The following FBXO31 variants were observed in gnomAD, a reference collection of about 807,000 sequenced individuals.
FBXO31 encodes the protein F-box only protein 31.
A neutral mutation model predicts 54.4 loss-of-function variants in FBXO31; 24 were observed. The observed-to-expected ratio is 0.44, with a 90% CI of 0.32 to 0.62. The LOEUF is 0.62. Ranked by LOEUF, FBXO31 falls within the 20% of genes least tolerant of loss-of-function variation. FBXO31 has a pLI of 0.05. For synonymous variants in FBXO31, 388 were observed against 335.6 expected, an observed-to-expected ratio of 1.16 and a Z score of -1.71; for missense variants, 665 against 787.1, an observed-to-expected ratio of 0.84 and a Z score of 1.86.
At chr16:87,378,510 G>A (rs1173221810) in intron 1 of FBXO31, among the ~76,000 whole-genome samples, 13 of 152,232 alleles carry the variant, frequency 8.5e-5, no homozygotes, top group Admixed American at 8.5e-4. Flanking sequence ...CATCCGGGCA[G>A]TTAAGTTTCT....
upstream of FBXO31, among the ~76,000 whole-genome samples, chr16:87,387,377 C>G (rs1351015557): frequency 6.6e-6 from 1 of 152,208 alleles, no homozygotes; most frequent in Admixed American, 6.5e-5. Context: ...TGTTTTAACA[C>G]TATGATGAGG....
chr16:87,363,973 G>A (rs1906246691), intron 1 of FBXO31, among the ~76,000 whole-genome samples: 2 of 152,224 alleles, frequency 1.3e-5, no homozygotes, highest in African/African-American at 2.4e-5. Flanking sequence ...CAAATGGGAG[G>A]GGGAAGGGGA....
intron 1 of FBXO31, among the ~76,000 whole-genome samples, chr16:87,361,460 T>C (rs1171227364): frequency 6.6e-6 from 1 of 152,182 alleles, no homozygotes; most frequent in East Asian, 1.9e-4. Flanking sequence ...GACTGTGTTA[T>C]GCCCTGTGCA....
intron 1 of FBXO31, among the ~76,000 whole-genome samples, chr16:87,371,353 C>G (rs1176847627): frequency 6.6e-6 from 1 of 152,220 alleles, no homozygotes; most frequent in Non-Finnish European, 1.5e-5. Context: ...CAAGGGAGTC[C>G]CCTCTCGCTA....
chr16:87,373,818 C>T (rs748999086), intron 1 of FBXO31, among the ~76,000 whole-genome samples: 1 of 152,194 alleles, frequency 6.6e-6, no homozygotes, highest in Non-Finnish European at 1.5e-5. Context: ...CAAAAGAGAA[C>T]AGAAATAGCA....
intron 1 of FBXO31, among the ~76,000 whole-genome samples, chr16:87,363,989 G>A (rs529236539): frequency 1.3e-5 from 2 of 152,228 alleles, no homozygotes; most frequent in African/African-American, 2.4e-5. Flanking sequence ...GGGGAAAGAC[G>A]CTGATGCAGA....
chr16:87,342,465 C>A (rs918652400), intron 5 of FBXO31, among the ~76,000 whole-genome samples: 1 of 152,214 alleles, frequency 6.6e-6, no homozygotes, highest in Non-Finnish European at 1.5e-5. Flanking sequence ...CCCCGCTGCA[C>A]TGGCACGATC....
rs1180634318 is a variant in FBXO31, at chr16:87,345,091, G to C, written c.490-1326C>G. 2.0e-5 allele frequency among the ~76,000 whole-genome samples: 3 copies of C among 152,198 alleles called. No individual in the cohort carries two copies. Among genetic ancestry groups the C allele is most frequent in the African/African-American group, 7.2e-5 (3 of 41,450 alleles). On this transcript the variant is annotated intron_variant, in intron 3 of 8. Transcript: ENST00000311635. The surrounding 1 kb of genome is among the most constrained non-coding windows in gnomAD (Gnocchi z 4.9). ...CCCAGGGGCCATGCATGCCAGGCCT[G>C]GAAGAACCTGTGCAGAGGCCACGGG...
At chr16:87,375,536 C>T (rs1906786147) in intron 1 of FBXO31, among the ~76,000 whole-genome samples, 1 of 152,130 alleles carries the variant, frequency 6.6e-6, no homozygotes, top group Non-Finnish European at 1.5e-5. Context: ...CCAAAATGGG[C>T]TGGCATTTCA....
At position 87,336,293 on chromosome 16, in the gene FBXO31, C is replaced by A. The variant is rs1276065462; in HGVS notation, c.733-29G>T. On this transcript the variant is annotated intron_variant, in intron 5 of 8. Coordinates refer to ENST00000311635, the MANE Select transcript of FBXO31 (RefSeq NM_024735.5). This position sits in a 1 kb window ranked among gnomAD's most constrained non-coding sequence, Gnocchi z 6.5. ...CCAAAAGAACACAGGTCATGAATATCCATATGACAGGAGGCTGTGAAGAGG... is the reference window on the plus strand; with the variant it reads ...CCAAAAGAACACAGGTCATGAATATACATATGACAGGAGGCTGTGAAGAGG... 2 of 1,600,070 alleles carry A rather than the reference C, an allele frequency of 1.2e-6. No individual in the cohort carries two copies. Among genetic ancestry groups the A allele is most frequent in the Admixed American group, 1.7e-5 (1 of 60,012 alleles).
rs368080400 is a variant in FBXO31 at position 87,346,218 on chromosome 16, C to G, written c.489+956G>C. Reference sequence around the variant, plus strand: ...GAGACGCGCGCATACCCCGGGCCTGCGCAGAGCAGGTGCCCTGACTCCACT... The same window carrying G: ...GAGACGCGCGCATACCCCGGGCCTGGGCAGAGCAGGTGCCCTGACTCCACT... On this transcript the variant is annotated intron_variant, in intron 3 of 8. Transcript: ENST00000311635. The surrounding 1 kb of genome is among the most constrained non-coding windows in gnomAD (Gnocchi z 4.2). Among the ~76,000 whole-genome samples, 1 of 152,076 alleles carries G rather than the reference C, an allele frequency of 6.6e-6. No homozygotes were observed. The highest frequency in any genetic ancestry group is 2.4e-5 in the African/African-American group (1 of 41,420).
At position 87,328,089 on chromosome 16, in the gene FBXO31, G is replaced by C. The variant is rs1249378869; in HGVS notation, c.*3199C>G. The C allele has an allele frequency of 1.3e-5, 2 of 152,260 alleles. No homozygotes were observed. The highest frequency in any genetic ancestry group is 4.8e-5 in the African/African-American group (2 of 41,450). 9.4% of individuals were successfully genotyped at this position (152,260 alleles called of 1,614,324 possible). ...GGAGTTTCTGCTGCTGTCCGTGACTGCCCACGAGCACTGAAAATGGCCTAA... is the reference window on the plus strand; with the variant it reads ...GGAGTTTCTGCTGCTGTCCGTGACTCCCCACGAGCACTGAAAATGGCCTAA... On this transcript the variant is annotated 3_prime_UTR_variant, in exon 9 of 9. Coordinates refer to ENST00000311635, the MANE Select transcript of FBXO31 (RefSeq NM_024735.5).
Position 87,343,001 on chromosome 16 carries a change from T to C in FBXO31, c.658-50A>G, listed in dbSNP as rs370412472. On this transcript the variant is annotated intron_variant, in intron 4 of 8. Coordinates refer to ENST00000311635, the MANE Select transcript of FBXO31 (RefSeq NM_024735.5). ...AGAGAAGAGTGAGGAACAGAGTCCA[T>C]CACAGCATCCCCCACCCCAGGCAGG... The C allele has an allele frequency of 9.4e-5, 141 of 1,502,290 alleles. No individual in the cohort carries two copies. The African/African-American group carries it at 1.8e-3, about 19-fold the overall frequency. The allele number at this position is 1,502,290 out of a possible 1,614,324, so 93.1% of individuals were successfully genotyped here.
intron 5 of FBXO31, among the ~76,000 whole-genome samples, chr16:87,339,646 G>C (rs554512999): frequency 6.4e-4 from 97 of 152,336 alleles, no homozygotes; most frequent in African/African-American, 2.2e-3. Context: ...AGCCGAGGGA[G>C]TATGTCGGAT....
At position 87,330,894 on chromosome 16, in the gene FBXO31, G is replaced by A. The variant is rs1597355396; in HGVS notation, c.*394C>T. The stretch of plus-strand genomic sequence containing the variant: ...GGTGGAGCACATGCGTCTCACACAC[G>A]ACCCAGTCTATCACTCTATCCGCTC... On this transcript the variant is annotated 3_prime_UTR_variant, in exon 9 of 9. Transcript: ENST00000311635. The A allele has an allele frequency of 3.4e-5, 7 of 208,288 alleles. No homozygotes were observed. The South Asian group carries it at 4.7e-4, about 14-fold the overall frequency. 12.9% of individuals were successfully genotyped at this position (208,288 alleles called of 1,614,324 possible).
intron 3 of FBXO31, 24 bp from the exon 4 acceptor site, chr16:87,343,789 T>A (rs781007792): frequency 3.7e-5 from 59 of 1,613,052 alleles, no homozygotes; most frequent in Non-Finnish European, 4.6e-5. Context: ...TGGGCAAAGG[T>A]CCATGAGTGG....
chr16:87,383,812 C>A (rs1018630567), upstream of FBXO31: 2 of 1,082,326 alleles, frequency 1.8e-6, no homozygotes, highest in South Asian at 4.5e-5. The surrounding 1 kb of genome is among the most constrained non-coding windows in gnomAD (Gnocchi z 4.9). Flanking sequence ...CCGCCAGCGC[C>A]GAGCCACGCC....
At chr16:87,355,758 G>A (rs1417325225) in intron 2 of FBXO31, among the ~76,000 whole-genome samples, 1 of 152,158 alleles carries the variant, frequency 6.6e-6, no homozygotes, top group East Asian at 1.9e-4. Flanking sequence ...CCGGCAGCGT[G>A]GGGAGGAGGT....
At chr16:87,339,810 T>C (rs1905137113) in intron 5 of FBXO31, among the ~76,000 whole-genome samples, 1 of 152,208 alleles carries the variant, frequency 6.6e-6, no homozygotes, top group South Asian at 2.1e-4. Flanking sequence ...GCCGGGAACA[T>C]TCCAAAATAG....
Sources: gnomAD v4.1 joint callset for allele counts (sites outside exome capture counted in the v4.1 genomes callset) on GRCh38, gnomAD v4.1.1 for gene constraint, Gnocchi (gnomAD v3.1) non-coding constraint, MANE v1.5 for transcripts, NCBI Gene and HGNC (gene_info 2026-07-23, HGNC 2026-07-21) for gene names.